Variants in LRMDA observed in about 807,000 individuals in gnomAD.
The protein encoded by LRMDA is leucine rich melanocyte differentiation associated.
Under a neutral mutation model 29.8 loss-of-function variants are expected in LRMDA, and 18 were observed. The observed-to-expected ratio is 0.60, with a 90% CI of 0.42 to 0.90. LRMDA has a LOEUF of 0.90. Ranked by LOEUF, LRMDA falls within the 40% of genes least tolerant of loss-of-function variation. The probability of loss-of-function intolerance (pLI) is 0.00; values close to 1 mark genes in which losing one functional copy is unlikely to be tolerated. For synonymous variants in LRMDA, 125 were observed against 109.4 expected (o/e 1.14, Z -0.89); for missense variants, 273 against 273.9 (o/e 1.00, Z 0.02).
chr10:75,767,010 A>G (rs1843178157), intron 2 of LRMDA, among the ~76,000 whole-genome samples: 2 of 152,136 alleles, frequency 1.3e-5, no homozygotes, highest in African/African-American at 2.4e-5. Flanking sequence ...TCCATGGTGT[A>G]TATGTACCAC....
intron 2 of LRMDA, among the ~76,000 whole-genome samples, chr10:76,011,500 C>T (rs1466323313): frequency 6.6e-6 from 1 of 152,216 alleles, no homozygotes; most frequent in African/African-American, 2.4e-5. Context: ...GGGCCACCCC[C>T]TCCATCCTCA....
chr10:76,387,827 T>A (rs1287819405), intron 6 of LRMDA, among the ~76,000 whole-genome samples: 1 of 152,178 alleles, frequency 6.6e-6, no homozygotes, highest in Non-Finnish European at 1.5e-5. Flanking sequence ...AAAAGCTACA[T>A]AGAGCATCTC....
rs760096417 is a variant in LRMDA, at chr10:75,691,228, A to G, written c.131+252734A>G. On this transcript the variant is annotated intron_variant, in intron 2 of 6. Coordinates refer to ENST00000611255, the MANE Select transcript of LRMDA (RefSeq NM_001305581.2). Reference sequence around the variant, plus strand: ...CACACACATATATATATACACATATATGTGTGTGTGTGTGTATGTATGTAT... The same window carrying G: ...CACACACATATATATATACACATATGTGTGTGTGTGTGTGTATGTATGTAT... 9.3e-5 allele frequency among the ~76,000 whole-genome samples: 13 copies of G among 139,094 alleles called. No homozygotes were observed. The East Asian group carries it at 1.1e-3, about 12-fold the overall frequency. The allele number at this position is 139,094 out of a possible 152,430, so 91.3% of individuals were successfully genotyped here.
At chr10:76,545,212 G>A (rs1843406036) in intron 6 of LRMDA, among the ~76,000 whole-genome samples, 2 of 148,758 alleles carry the variant, frequency 1.3e-5, no homozygotes, top group Admixed American at 1.3e-4. Context: ...GAAGAATTAG[G>A]AAAACAAGAA....
intron 5 of LRMDA, among the ~76,000 whole-genome samples, chr10:76,118,904 G>T (rs1297569361): frequency 1.4e-5 from 2 of 140,028 alleles, no homozygotes; most frequent in Non-Finnish European, 3.0e-5. Flanking sequence ...AACTTGAGGC[G>T]AATGAAGGTC....
intron 6 of LRMDA, among the ~76,000 whole-genome samples, chr10:76,423,736 C>T (rs1351161838): frequency 6.6e-6 from 1 of 152,322 alleles, no homozygotes; most frequent in Non-Finnish European, 1.5e-5. Context: ...ATCTGATGCC[C>T]TAACTCAGCT....
chr10:76,341,792 C>A (rs1283630972), intron 6 of LRMDA, among the ~76,000 whole-genome samples: 1 of 152,148 alleles, frequency 6.6e-6, no homozygotes. Context: ...TTTGTTGGCT[C>A]ATTTGGGCTT....
chr10:76,386,079 C>A (rs1447865463), intron 6 of LRMDA, among the ~76,000 whole-genome samples: 1 of 152,062 alleles, frequency 6.6e-6, no homozygotes, highest in Non-Finnish European at 1.5e-5. Context: ...CAGTGTTGGT[C>A]AGTAATATAA....
intron 2 of LRMDA, among the ~76,000 whole-genome samples, chr10:75,902,543 C>G (rs1453378055): frequency 2.0e-5 from 3 of 152,146 alleles, no homozygotes. Context: ...TTTATTCTTT[C>G]TGTTTTTGTT....
intron 2 of LRMDA, among the ~76,000 whole-genome samples, chr10:75,852,422 G>A (rs1490450892): frequency 1.3e-5 from 2 of 152,036 alleles, no homozygotes; most frequent in Non-Finnish European, 2.9e-5. Flanking sequence ...TTTTGGAAAA[G>A]AGGTTAATTG....
intron 2 of LRMDA, among the ~76,000 whole-genome samples, chr10:75,933,456 A>G (rs946999208): frequency 1.3e-5 from 2 of 152,220 alleles, no homozygotes; most frequent in Admixed American, 6.5e-5. Context: ...TTTGCATGAA[A>G]AAGAAATGAC....
chr10:76,041,164 A>G (rs1848332774), intron 3 of LRMDA, among the ~76,000 whole-genome samples: 2 of 152,200 alleles, frequency 1.3e-5, no homozygotes, highest in African/African-American at 2.4e-5. Flanking sequence ...TTCTTGGCAT[A>G]TTTTACTGTT....
intron 5 of LRMDA, among the ~76,000 whole-genome samples, chr10:76,063,992 C>T (rs1848744352): frequency 1.3e-5 from 2 of 152,138 alleles, no homozygotes; most frequent in Admixed American, 1.3e-4. Flanking sequence ...AGTACCTAGT[C>T]TATAGCAGAG....
intron 6 of LRMDA, among the ~76,000 whole-genome samples, chr10:76,418,069 C>G (rs888258662): frequency 6.6e-6 from 1 of 152,122 alleles, no homozygotes; most frequent in African/African-American, 2.4e-5. Context: ...TGTCTAATAT[C>G]TAGTCATGTA....
At chr10:75,525,850 C>G (rs1845407616) in intron 2 of LRMDA, among the ~76,000 whole-genome samples, 1 of 151,356 alleles carries the variant, frequency 6.6e-6, no homozygotes, top group Non-Finnish European at 1.5e-5. Flanking sequence ...ACAGCTACAA[C>G]CTTTTCTTTT....
intron 2 of LRMDA, among the ~76,000 whole-genome samples, chr10:75,966,695 C>T (rs1199874606): frequency 6.6e-6 from 1 of 152,188 alleles, no homozygotes; most frequent in African/African-American, 2.4e-5. Flanking sequence ...ACTTGTGGGG[C>T]TGAGGGGAAT....
At chr10:75,750,944 C>T (rs886220966) in intron 2 of LRMDA, among the ~76,000 whole-genome samples, 3 of 152,226 alleles carry the variant, frequency 2.0e-5, no homozygotes, top group African/African-American at 7.2e-5. Flanking sequence ...AATCTCTGCA[C>T]TTTGGGAGGC....
intron 2 of LRMDA, among the ~76,000 whole-genome samples, chr10:75,972,436 G>A (rs918288070): frequency 6.6e-6 from 1 of 152,030 alleles, no homozygotes; most frequent in Non-Finnish European, 1.5e-5. Context: ...TAAAATTTGG[G>A]TTATTTTCCC....
intron 5 of LRMDA, among the ~76,000 whole-genome samples, chr10:76,161,601 C>A (rs1850648636): frequency 6.6e-6 from 1 of 152,164 alleles, no homozygotes. Flanking sequence ...CCAGGCTGTT[C>A]TGTATTAGAA....
Sources: allele counts gnomAD v4.1 joint callset (sites outside exome capture counted in the v4.1 genomes callset), GRCh38; gene constraint gnomAD v4.1.1; transcripts MANE v1.5; gene names NCBI Gene and HGNC (gene_info 2026-07-23, HGNC 2026-07-21).